Variants in LRRC45 observed in about 807,000 individuals in gnomAD.
The protein encoded by LRRC45 is leucine-rich repeat-containing protein 45.
Under a neutral mutation model 85.4 loss-of-function variants are expected in LRRC45, and 73 were observed. The ratio of observed to expected loss-of-function variants is 0.85; its 90% confidence interval spans 0.71 to 1.04. The LOEUF (loss-of-function observed/expected upper bound fraction) is 1.04. LRRC45 is among the 50% of genes least tolerant of loss of function. The probability of loss-of-function intolerance (pLI) is 0.00; values close to 1 mark genes in which losing one functional copy is unlikely to be tolerated. For missense variants in LRRC45, 937 were observed against 883.3 expected, an observed-to-expected ratio of 1.06 and a Z score of -0.77; for synonymous variants, 429 against 386.0, an observed-to-expected ratio of 1.11 and a Z score of -1.31.
At chr17:82,027,834 G>T in intron 8 of LRRC45, 83 bp downstream of exon 8, 1 of 1,548,124 alleles carries the variant, frequency 6.5e-7, no homozygotes, top group South Asian at 1.1e-5. Flanking sequence ...TGCAAGTCCT[G>T]TTTGCAAAGC....
At position 82,023,417 on chromosome 17, in the gene LRRC45, G is replaced by C; in HGVS notation, c.-227G>C. On this transcript the variant is annotated 5_prime_UTR_variant, in exon 1 of 17. Transcript: ENST00000306688. ...CGACGCACCTGCCTGCTTCCTGCAC[G>C]GGTGGTCCCCAAGCACTGCGGGGCC... 3.8e-6 allele frequency: 2 copies of C among 524,282 alleles called. No individual in the cohort carries two copies. The highest frequency in any genetic ancestry group is 6.7e-6 in the Non-Finnish European group (2 of 299,698). 32.5% of individuals were successfully genotyped at this position (524,282 alleles called of 1,614,324 possible).
At chr17:82,024,957 AGGC>A in intron 3 of LRRC45, 40 bp from the exon 4 acceptor site, 1 of 1,502,142 alleles carries the variant, frequency 6.7e-7, no homozygotes, top group Non-Finnish European at 8.9e-7. Flanking sequence ...CCCACGGGCT[AGGC>A]AGTCCCCTAG....
rs753238552 is a variant in LRRC45, at chr17:82,030,455, G to A, written c.1805G>A (p.Arg602His). The A allele has an allele frequency of 5.8e-6, 9 of 1,545,072 alleles. No homozygotes were observed. Among genetic ancestry groups the A allele is most frequent in the Non-Finnish European group, 7.8e-6 (9 of 1,147,012 alleles). The change falls in exon 16 of 17, where the codon CGC becomes CAC. Residue 602 changes from arginine (R) to histidine (H), a missense_variant. Transcript: ENST00000306688. ...ALREKAAALE[R>H]QLKVMASDHR... ...AGGGAGAAGGCGGCGGCCCTGGAGC[G>A]CCAGCTGAAAGGTGAGCCAGACCCT...
In LRRC45 at chr17:82,024,630, C is replaced by A. The variant is rs568756494; in HGVS notation, c.283-63C>A. The A allele has an allele frequency of 2.8e-5, 42 of 1,517,564 alleles. No individual in the cohort carries two copies. The African/African-American group carries it at 5.3e-4, about 19-fold the overall frequency. 94.0% of individuals were successfully genotyped at this position (1,517,564 alleles called of 1,614,324 possible). On this transcript the variant is annotated intron_variant, in intron 2 of 16. Coordinates refer to ENST00000306688, the MANE Select transcript of LRRC45 (RefSeq NM_144999.4). Reference sequence around the variant, plus strand: ...CCCTGGCTGACCAAGGCCCTTGGGGCATGGGCGGGAATTCAGAGCCAGTCA... The same window carrying A: ...CCCTGGCTGACCAAGGCCCTTGGGGAATGGGCGGGAATTCAGAGCCAGTCA...
chr17:82,027,574 C>G, intron 7 of LRRC45, 100 bp from the exon 8 acceptor site: 1 of 1,538,550 alleles, frequency 6.5e-7, no homozygotes, highest in Non-Finnish European at 8.9e-7. Flanking sequence ...GCCCAGGCGA[C>G]CATAGATGCT....
chr17:82,023,704 G>A lies in LRRC45; in HGVS notation c.61G>A (p.Glu21Lys). The A allele has an allele frequency of 6.4e-7, 1 of 1,552,502 alleles. No individual in the cohort carries two copies. Among genetic ancestry groups the A allele is most frequent in the African/African-American group, 1.3e-5 (1 of 74,158 alleles). The part of the protein sequence containing the change: ...LCRESGAEPQ[E>K]AVLQQLHQLP... Reference sequence around the variant, plus strand: ...CAGGGAGAGTGGGGCCGAGCCCCAGGAGGCTGTCCTGCAGCAGCTGCACCA... The same window carrying A: ...CAGGGAGAGTGGGGCCGAGCCCCAGAAGGCTGTCCTGCAGCAGCTGCACCA... Residue 21 changes from glutamate to lysine, a missense_variant, in exon 1 of 17, where the codon GAG becomes AAG. By Grantham distance (56) the Glu-to-Lys change is moderately conservative. Coordinates refer to ENST00000306688, the MANE Select transcript of LRRC45 (RefSeq NM_144999.4).
intron 3 of LRRC45, 52 bp from the exon 4 acceptor site, chr17:82,024,948 C>T (rs1364020923): frequency 1.0e-5 from 15 of 1,483,456 alleles, no homozygotes; most frequent in African/African-American, 1.4e-5. Flanking sequence ...GCCCTGGACC[C>T]CACGGGCTAG....
intron 2 of LRRC45, 112 bp downstream of exon 2, chr17:82,024,451 CTG>C: frequency 1.6e-6 from 2 of 1,281,256 alleles, no homozygotes; most frequent in African/African-American, 1.5e-5. Context: ...TGGAAGCTGT[CTG>C]TGAGTCCCCA....
Position 82,023,414 on chromosome 17 carries a change from C to T in LRRC45, c.-230C>T. The T allele has an allele frequency of 5.7e-6, 3 of 525,802 alleles. No homozygotes were observed. The highest frequency in any genetic ancestry group is 1.0e-5 in the Non-Finnish European group (3 of 300,600). The allele number at this position is 525,802 out of a possible 1,614,324, so 32.6% of individuals were successfully genotyped here. ...GCGCGACGCACCTGCCTGCTTCCTG[C>T]ACGGGTGGTCCCCAAGCACTGCGGG... On this transcript the variant is annotated 5_prime_UTR_variant, in exon 1 of 17. Transcript: ENST00000306688.
Position 82,028,411 on chromosome 17 carries a change from G to A in LRRC45, c.1140G>A (p.Glu380=). 1 of 1,612,776 alleles carries A rather than the reference G, an allele frequency of 6.2e-7. No individual in the cohort carries two copies. The highest frequency in any genetic ancestry group is 8.5e-7 in the Non-Finnish European group (1 of 1,179,988). The stretch of plus-strand genomic sequence containing the variant: ...CCGGCTTTCAGGTAGACGAGTTGGA[G>A]CGGAAGTTCAGGTGTCAGCAGGAGC... ...LLLQNQVDEL[E]RKFRCQQEQL... is the part of the protein sequence containing the mutation. The change falls in exon 11 of 17, where the codon GAG becomes GAA. Residue 380 remains glutamate (E), a synonymous_variant. Coordinates refer to ENST00000306688, the MANE Select transcript of LRRC45 (RefSeq NM_144999.4).
At chr17:82,029,443 G>C (rs2043397652) in intron 13 of LRRC45, 100 bp from the exon 14 acceptor site, 4 of 1,343,144 alleles carry the variant, frequency 3.0e-6, no homozygotes, top group Non-Finnish European at 3.1e-6. Flanking sequence ...GAGGCTGGCA[G>C]AGAGGAGCCC....
rs1360167093 is a variant in LRRC45 at position 82,028,497 on chromosome 17, T to C, written c.1226T>C (p.Ile409Thr). ...TCAGCTGAGCTGAAGATGCGGGCCA[T>C]CCAGGCCGAGGGTGGGCACGGGCAG... is the stretch of plus-strand genomic sequence containing the variant. ...SMSAELKMRA[I>T]QAEERLDMEK... The change falls in exon 11 of 17, where the codon ATC becomes ACC. Residue 409 changes from isoleucine (I) to threonine (T), a missense_variant. Ile to Thr is a moderately conservative substitution (Grantham distance 89). Coordinates refer to ENST00000306688, the MANE Select transcript of LRRC45 (RefSeq NM_144999.4). The C allele has an allele frequency of 1.9e-6, 3 of 1,612,150 alleles. No homozygotes were observed. The highest frequency in any genetic ancestry group is 2.5e-6 in the Non-Finnish European group (3 of 1,179,800).
At chr17:82,027,350 G>T (rs1598455172) in intron 6 of LRRC45, 36 bp from the exon 7 acceptor site, 1 of 1,611,150 alleles carries the variant, frequency 6.2e-7, no homozygotes, top group Non-Finnish European at 8.5e-7. Flanking sequence ...CAGGCTGCAG[G>T]TGCCCTGACA....
rs994035599 is a variant in LRRC45 at position 82,023,426 on chromosome 17, C to T, written c.-218C>T. The T allele has an allele frequency of 6.1e-5, 33 of 543,854 alleles. No individual in the cohort carries two copies. The highest frequency in any genetic ancestry group is 9.6e-5 in the Non-Finnish European group (30 of 311,450). 33.7% of individuals were successfully genotyped at this position (543,854 alleles called of 1,614,324 possible). A position where few individuals can be genotyped will look rare whatever the true frequency, so the allele number is the denominator to read the frequency against. ...TGCCTGCTTCCTGCACGGGTGGTCC[C>T]CAAGCACTGCGGGGCCCCAGCCCAA... On this transcript the variant is annotated 5_prime_UTR_variant, in exon 1 of 17. Coordinates refer to ENST00000306688, the MANE Select transcript of LRRC45 (RefSeq NM_144999.4).
At chr17:82,029,008 C>T (rs1020738619) in intron 12 of LRRC45, 85 bp from the exon 13 acceptor site, 31 of 1,265,620 alleles carry the variant, frequency 2.4e-5, no homozygotes, top group Non-Finnish European at 3.3e-5. Flanking sequence ...CAAGAGACAC[C>T]TGCCTTTCAG....
Position 82,027,677 on chromosome 17 carries a change from G to C in LRRC45, c.837G>C (p.Ala279=). Residue 279 remains alanine (A), a synonymous_variant, in exon 8 of 17, where the codon GCG becomes GCC. Coordinates refer to ENST00000306688, the MANE Select transcript of LRRC45 (RefSeq NM_144999.4). ...GCACCCTCCTCTCTGCCCACAGGGC[G>C]TCGGCAGCCCGTGTAGGGCAGCTTC... ...QREEMAKSSR[A]SAARVGQLQE... 1 of 1,610,104 alleles carries C rather than the reference G, an allele frequency of 6.2e-7. No homozygotes were observed. The highest frequency in any genetic ancestry group is 8.5e-7 in the Non-Finnish European group (1 of 1,178,750).
Position 82,023,671 on chromosome 17 carries a change from C to T in LRRC45, c.28C>T (p.Arg10Cys), listed in dbSNP as rs1261211932. The change falls in exon 1 of 17, where the codon CGC becomes TGC. Residue 10 changes from arginine (R) to cysteine (C), a missense_variant. Coordinates refer to ENST00000306688, the MANE Select transcript of LRRC45 (RefSeq NM_144999.4). ...GGAGGAGTTCCGGCGCTCCTACAGC[C>T]GCCTGTGCAGGGAGAGTGGGGCCGA... MEEFRRSYS[R>C]LCRESGAEPQ... The T allele has an allele frequency of 1.3e-6, 2 of 1,548,454 alleles. No individual in the cohort carries two copies. The highest frequency in any genetic ancestry group is 2.4e-5 in the East Asian group (1 of 42,542).
chr17:82,027,481 AG>A lies in LRRC45; in HGVS notation c.833+40del, dbSNP rs745799713. ...CAGGGCAGGGGCAGGGTGAGGCTTC[AG>A]GGATCAGGTCCTGGCTCAGACTCAG... On this transcript the variant is annotated intron_variant, in intron 7 of 16. Transcript: ENST00000306688. The A allele has an allele frequency of 6.6e-5, 107 of 1,611,886 alleles. 1 individual carries two copies. The African/African-American group carries it at 1.3e-3, about 20-fold the overall frequency.
In LRRC45 at chr17:82,029,644, C is replaced by T. The variant is rs199848851; in HGVS notation, c.1494+9C>T. 1.2e-3 allele frequency: 1,923 copies of T among 1,560,388 alleles called. 20 individuals carry two copies. Among genetic ancestry groups the T allele is most frequent in the Non-Finnish European group, 2.7e-4 (306 of 1,153,652 alleles). ...AGGCCCGCCTGGAGGAGGTGAGCCA[C>T]ACATGTCCGCCACCCTCCGGGGGAG... On this transcript the variant is annotated intron_variant, in intron 14 of 16. Coordinates refer to ENST00000306688, the MANE Select transcript of LRRC45 (RefSeq NM_144999.4).
Sources: gnomAD v4.1 joint callset for allele counts on GRCh38, gnomAD v4.1.1 for gene constraint, MANE v1.5 for transcripts, NCBI Gene and HGNC (gene_info 2026-07-23, HGNC 2026-07-21) for gene names.